Variants in BLMH observed in about 807,000 individuals in gnomAD.
BLMH encodes the protein bleomycin hydrolase, also known as BLM hydrolase.
Under a neutral mutation model 61.6 loss-of-function variants are expected in BLMH, and 32 were observed. That is an observed-to-expected ratio of 0.52 (90% CI 0.39 to 0.70). The LOEUF (loss-of-function observed/expected upper bound fraction) is 0.70. Among genes scored for constraint, BLMH ranks in the 30% least tolerant of loss-of-function variants. The probability of loss-of-function intolerance (pLI) is 0.00; values close to 1 mark genes in which losing one functional copy is unlikely to be tolerated. For missense variants in BLMH, 460 were observed against 555.5 expected, an observed-to-expected ratio of 0.83 and a Z score of 1.73; for synonymous variants, 183 against 193.8, an observed-to-expected ratio of 0.94 and a Z score of 0.46.
At chr17:30,284,673 T>C (rs1001210979) in intron 6 of BLMH, among the ~76,000 whole-genome samples, 1 of 152,246 alleles carries the variant, frequency 6.6e-6, no homozygotes, top group East Asian at 1.9e-4. Context: ...TAAAATGTTT[T>C]TACATACATT....
chr17:30,273,036 G>C, intron 7 of BLMH, 137 bp from the exon 8 acceptor site: 3 of 963,506 alleles, frequency 3.1e-6, no homozygotes, highest in Non-Finnish European at 4.6e-6. Context: ...ACATTGTTAA[G>C]TAACAAAGAA....
intron 5 of BLMH, among the ~76,000 whole-genome samples, chr17:30,286,227 A>C (rs1347658920): frequency 6.6e-6 from 1 of 152,210 alleles, no homozygotes; most frequent in African/African-American, 2.4e-5. Context: ...AGTTCTCAAA[A>C]ACCATGCCTG....
chr17:30,261,294 C>T (rs1266375911), intron 11 of BLMH, among the ~76,000 whole-genome samples: 2 of 152,202 alleles, frequency 1.3e-5, no homozygotes, highest in Non-Finnish European at 2.9e-5. Context: ...TTAGTTTCTT[C>T]ACATAAAACC....
At chr17:30,262,869 G>T (rs773773240) in intron 11 of BLMH, among the ~76,000 whole-genome samples, 1 of 152,110 alleles carries the variant, frequency 6.6e-6, no homozygotes, top group African/African-American at 2.4e-5. Flanking sequence ...CAAAATTCAG[G>T]GAAATTTTGG....
chr17:30,267,053 G>T, intron 10 of BLMH, 99 bp from the exon 11 acceptor site: 1 of 1,000,018 alleles, frequency 1.0e-6, no homozygotes. Context: ...GAAAGAAACA[G>T]CCTGCTCTAT....
At chr17:30,273,068 G>T in intron 7 of BLMH, 169 bp from the exon 8 acceptor site, 1 of 662,690 alleles carries the variant, frequency 1.5e-6, no homozygotes, top group Non-Finnish European at 2.5e-6. Flanking sequence ...CAAAATACAT[G>T]TGAGAGAGGT....
intron 11 of BLMH, among the ~76,000 whole-genome samples, chr17:30,261,840 C>T (rs558767091): frequency 2.0e-5 from 3 of 152,180 alleles, no homozygotes; most frequent in Admixed American, 2.0e-4. Context: ...GAATTGATAA[C>T]ATGTTTCTTT....
rs117268064 is a variant in BLMH at position 30,249,479 on chromosome 17, C to T, written c.1217-311G>A. ...CCAGATCCTGTACTGATGCTCTCTTCCTCCGCTGCCTTGGTGATGGTGAGT... is the reference window on the plus strand; with the variant it reads ...CCAGATCCTGTACTGATGCTCTCTTTCTCCGCTGCCTTGGTGATGGTGAGT... On this transcript the variant is annotated intron_variant, in intron 11 of 11. Coordinates refer to ENST00000261714, the MANE Select transcript of BLMH (RefSeq NM_000386.4). 1,331 of 255,454 alleles carry T rather than the reference C, an allele frequency of 5.2e-3. 12 individuals are homozygous for T. The highest frequency in any genetic ancestry group is 8.0e-3 in the Non-Finnish European group (1,072 of 133,256). 15.8% of individuals were successfully genotyped at this position (255,454 alleles called of 1,614,324 possible). A position where few individuals can be genotyped will look rare whatever the true frequency, so the allele number is the denominator to read the frequency against.
Position 30,249,073 on chromosome 17 carries a change from C to G in BLMH, c.1312G>C (p.Glu438Gln). The G allele has an allele frequency of 1.9e-6, 3 of 1,614,118 alleles. No individual in the cohort carries two copies. Among genetic ancestry groups the G allele is most frequent in the Non-Finnish European group, 2.5e-6 (3 of 1,179,992 alleles). The change falls in exon 12 of 12, where the codon GAG (glutamate) becomes CAG (glutamine). Residue 438 changes from glutamate to glutamine, a missense_variant. This residue lies in a region of BLMH where 310 missense variants were observed against 371.1 expected (regional missense o/e 0.84). Coordinates refer to ENST00000261714, the MANE Select transcript of BLMH (RefSeq NM_000386.4). ...HVPEEVLAVL[E>Q]QEPIILPAWD... ...GCTGGCAGGATAATGGGTTCCTGCT[C>G]TAACACAGCTAGCACCTCTTCAGGG... is the stretch of plus-strand genomic sequence containing the variant.
intron 6 of BLMH, among the ~76,000 whole-genome samples, chr17:30,276,390 G>T (rs1226086576): frequency 6.6e-6 from 1 of 152,176 alleles, no homozygotes; most frequent in Non-Finnish European, 1.5e-5. Context: ...TTAATATGTT[G>T]TTTCCAAAAC....
intron 11 of BLMH, among the ~76,000 whole-genome samples, chr17:30,259,842 C>T (rs1236207008): frequency 1.3e-5 from 2 of 152,154 alleles, no homozygotes; most frequent in South Asian, 2.1e-4. Context: ...CTTTCTCTCA[C>T]GACACTAAGC....
chr17:30,281,303 CAAAG>C (rs1258900544), intron 6 of BLMH, among the ~76,000 whole-genome samples: 1 of 151,894 alleles, frequency 6.6e-6, no homozygotes, highest in Non-Finnish European at 1.5e-5. Flanking sequence ...GTGTTTATAT[CAAAG>C]AAAGAAACAG....
Position 30,248,790 on chromosome 17 carries a change from G to A in BLMH, c.*227C>T. ...GAGATCCTGAGCTGTTAGAGATGAGGAGAGTAGATAGTATGACCTGATCTT... is the reference window on the plus strand; with the variant it reads ...GAGATCCTGAGCTGTTAGAGATGAGAAGAGTAGATAGTATGACCTGATCTT... On this transcript the variant is annotated 3_prime_UTR_variant, in exon 12 of 12. Coordinates refer to ENST00000261714, the MANE Select transcript of BLMH (RefSeq NM_000386.4). 2.0e-6 allele frequency: 1 copy of A among 511,950 alleles called. No individual in the cohort carries two copies. The highest frequency in any genetic ancestry group is 3.5e-6 in the Non-Finnish European group (1 of 289,800). 31.7% of individuals were successfully genotyped at this position (511,950 alleles called of 1,614,324 possible).
In BLMH at chr17:30,291,883, G is replaced by A; in HGVS notation, c.-64C>T. 1 of 1,274,960 alleles carries A rather than the reference G, an allele frequency of 7.8e-7. No homozygotes were observed. Among genetic ancestry groups the A allele is most frequent in the Non-Finnish European group, 9.9e-7 (1 of 1,013,472 alleles). The allele number at this position is 1,274,960 out of a possible 1,614,324, so 79.0% of individuals were successfully genotyped here. ...GGGTCCTTGGGCGAGCGCCGGGATT[G>A]CGCTGCGGCTCGCTGCCTAGGGGGC... On this transcript the variant is annotated 5_prime_UTR_variant, in exon 1 of 12. Transcript: ENST00000261714.
At chr17:30,282,781 G>A (rs964261753) in intron 6 of BLMH, among the ~76,000 whole-genome samples, 1 of 152,216 alleles carries the variant, frequency 6.6e-6, no homozygotes, top group Admixed American at 6.5e-5. Flanking sequence ...CTAATTTGGG[G>A]CTTTAAAACT....
intron 11 of BLMH, among the ~76,000 whole-genome samples, chr17:30,257,392 G>A (rs998371355): frequency 2.6e-5 from 4 of 152,164 alleles, no homozygotes; most frequent in Admixed American, 1.3e-4. Context: ...AGACGACCTA[G>A]TGTGCTACCA....
At chr17:30,291,114 A>C (rs1567840940) in intron 2 of BLMH, 197 bp downstream of exon 2, 14 of 623,998 alleles carry the variant, frequency 2.2e-5, no homozygotes, top group South Asian at 5.9e-5. Context: ...CTCTAACCGC[A>C]TGTACTAACA....
intron 11 of BLMH, among the ~76,000 whole-genome samples, chr17:30,259,796 GT>G (rs1907909934): frequency 6.6e-6 from 1 of 152,124 alleles, no homozygotes; most frequent in Non-Finnish European, 1.5e-5. Flanking sequence ...ACTGCTAATG[GT>G]TTTTTCTCAG....
chr17:30,280,606 A>T (rs1908559528), intron 6 of BLMH, among the ~76,000 whole-genome samples: 1 of 152,052 alleles, frequency 6.6e-6, no homozygotes. Flanking sequence ...CCTACCATGT[A>T]GCTAGAATTA....
Sources: allele counts gnomAD v4.1 joint callset (sites outside exome capture counted in the v4.1 genomes callset), GRCh38; gene constraint gnomAD v4.1.1; regional missense constraint gnomAD v4.1.1; transcripts MANE v1.5; gene names NCBI Gene and HGNC (gene_info 2026-07-23, HGNC 2026-07-21).